HEATR5A: variants seen among roughly 807,000 people sequenced by gnomAD.
The protein encoded by HEATR5A is HEAT repeat-containing protein 5A.
In HEATR5A, 178 loss-of-function variants were observed where a neutral mutation model predicts 218.8. The observed-to-expected ratio is 0.81, with a 90% CI of 0.72 to 0.92. HEATR5A has a LOEUF of 0.92. Among genes scored for constraint, HEATR5A ranks in the 40% least tolerant of loss-of-function variants. The probability of loss-of-function intolerance (pLI) is 0.00; values close to 1 mark genes in which losing one functional copy is unlikely to be tolerated. For synonymous variants in HEATR5A, 864 were observed against 871.6 expected, an observed-to-expected ratio of 0.99 and a Z score of 0.15; for missense variants, 2,420 against 2,418.9, an observed-to-expected ratio of 1.00 and a Z score of -0.01.
rs1414346331 is a variant in HEATR5A at position 31,315,862 on chromosome 14, T to C, written c.4126A>G (p.Lys1376Glu). Residue 1376 changes from lysine (K) to glutamate (E), a missense_variant, in exon 27 of 36, where the codon AAA becomes GAA. Transcript: ENST00000543095. ...AGAGCTTCTTTTCCAGCCTGTATTT[T>C]AGTTAACGATGAAACAAGCAACTGA... ...VHQLLVSSLT[K>E]IQAGKEALSH... 1 of 1,608,824 alleles carries C rather than the reference T, an allele frequency of 6.2e-7. No homozygotes were observed. The highest frequency in any genetic ancestry group is 1.7e-5 in the Admixed American group (1 of 59,214).
Position 31,313,033 on chromosome 14 carries a change from G to A in HEATR5A, c.4376C>T (p.Ala1459Val). ...TAAAAGAGCAAAATCCTGAAGTGCA[G>A]CAAGCCAGAGTCTGCTTAGTGTGCC... is the stretch of plus-strand genomic sequence containing the variant. ...DLGTLSRLWL[A>V]ALQDFALLTL... Residue 1459 changes from alanine (A) to valine (V), a missense_variant, in exon 28 of 36, where the codon GCT becomes GTT. Coordinates refer to ENST00000543095, the MANE Select transcript of HEATR5A (RefSeq NM_015473.4). 6.2e-7 allele frequency: 1 copy of A among 1,614,010 alleles called. No individual in the cohort carries two copies. Among genetic ancestry groups the A allele is most frequent in the Non-Finnish European group, 8.5e-7 (1 of 1,179,876 alleles).
At chr14:31,310,823 T>A (rs1237861122) in intron 28 of HEATR5A, among the ~76,000 whole-genome samples, 2 of 152,124 alleles carry the variant, frequency 1.3e-5, no homozygotes, top group African/African-American at 4.8e-5. Context: ...AAACACTCCA[T>A]ATATCTTTTT....
At chr14:31,323,840 A>C in intron 23 of HEATR5A, 36 bp from the exon 24 acceptor site, 2 of 1,307,864 alleles carry the variant, frequency 1.5e-6, no homozygotes, top group Non-Finnish European at 2.1e-6. Context: ...ATTATAATCA[A>C]CTGAAAGATA....
chr14:31,325,034 C>T (rs909762716), intron 23 of HEATR5A, among the ~76,000 whole-genome samples: 4 of 152,148 alleles, frequency 2.6e-5, no homozygotes, highest in African/African-American at 9.7e-5. Context: ...CACTGAAGTA[C>T]AGTGGAAGGC....
At chr14:31,296,163 C>T in intron 33 of HEATR5A, 100 bp from the exon 34 acceptor site, 2 of 833,742 alleles carry the variant, frequency 2.4e-6, no homozygotes, top group Non-Finnish European at 1.9e-6. Flanking sequence ...GTGTACACAA[C>T]AGATACACAC....
intron 16 of HEATR5A, among the ~76,000 whole-genome samples, 178 bp downstream of exon 16, chr14:31,358,459 T>G (rs1901502451): frequency 1.3e-5 from 2 of 152,166 alleles, no homozygotes; most frequent in African/African-American, 2.4e-5. Flanking sequence ...TCTAGTGGTT[T>G]TAGGCATTTA....
chr14:31,392,338 A>G (rs759194958), intron 6 of HEATR5A, among the ~76,000 whole-genome samples: 3 of 152,086 alleles, frequency 2.0e-5, no homozygotes, highest in Non-Finnish European at 4.4e-5. Context: ...GAGATTGGAT[A>G]AGACCACAAG....
intron 21 of HEATR5A, chr14:31,340,468 CA>C (rs1900804592): frequency 7.8e-7 from 1 of 1,288,772 alleles, no homozygotes; most frequent in Non-Finnish European, 1.0e-6. Context: ...AATTATCCAA[CA>C]AGATCTCCTG....
intron 22 of HEATR5A, chr14:31,334,492 G>A (rs913904726): frequency 1.1e-5 from 5 of 453,740 alleles, no homozygotes; most frequent in East Asian, 6.9e-5. Context: ...AGAATATTAC[G>A]TGAATTTAGT....
intron 11 of HEATR5A, among the ~76,000 whole-genome samples, chr14:31,378,508 C>T (rs987029265): frequency 6.6e-6 from 1 of 152,106 alleles, no homozygotes. Context: ...CACTACTTGG[C>T]CAGGTGCGGT....
Position 31,394,223 on chromosome 14 carries a change from G to C in HEATR5A, c.601C>G (p.Leu201Val). The change falls in exon 6 of 36, where the codon CTC (leucine) becomes GTC (valine). Residue 201 changes from leucine to valine, a missense_variant. Transcript: ENST00000543095. ...ATGGCTTCATTCTGAAGTTCAAGGA[G>C]ACACTATTCAATTGGACAAAGAGAA... ...MAVRCAAAKC[L>V]LELQNEAIFM... 6.8e-7 allele frequency: 1 copy of C among 1,472,426 alleles called. No homozygotes were observed. Among genetic ancestry groups the C allele is most frequent in the Non-Finnish European group, 9.0e-7 (1 of 1,116,466 alleles). The allele number at this position is 1,472,426 out of a possible 1,614,324, so 91.2% of individuals were successfully genotyped here.
intron 16 of HEATR5A, among the ~76,000 whole-genome samples, chr14:31,358,433 T>C (rs750126592): frequency 1.3e-5 from 2 of 152,238 alleles, no homozygotes; most frequent in Admixed American, 6.5e-5. Context: ...GAGCAAAGTA[T>C]TGTATCCACA....
chr14:31,347,776 G>A lies in HEATR5A; in HGVS notation c.2840C>T (p.Ala947Val), dbSNP rs375913004. 9.9e-6 allele frequency: 16 copies of A among 1,608,152 alleles called. No homozygotes were observed. The East Asian group carries it at 1.1e-4, about 11-fold the overall frequency. The change falls in exon 19 of 36, where the codon GCG becomes GTG. Residue 947 changes from alanine (A) to valine (V), a missense_variant. Transcript: ENST00000543095. Reference protein sequence around the residue: ...NSCIGILYTLAQDSTSPDVQT... With the variant: ...NSCIGILYTLVQDSTSPDVQT... ...CACATCAGGAGAAGTGCTGTCCTGC[G>A]CCAAAGTATAAAGGATTCCAATACA...
At chr14:31,296,377 A>C in intron 33 of HEATR5A, 1 of 246,426 alleles carries the variant, frequency 4.1e-6, no homozygotes, top group Non-Finnish European at 7.9e-6. Context: ...CTCATCTGTA[A>C]AATGGGAATA....
chr14:31,402,803 A>C (rs2030928090), intron 2 of HEATR5A, 47 bp downstream of exon 2: 4 of 1,523,676 alleles, frequency 2.6e-6, no homozygotes, highest in Non-Finnish European at 3.5e-6. Flanking sequence ...CAAAGGAAGT[A>C]AACATGGGCA....
chr14:31,334,096 T>C (rs1025409422), intron 22 of HEATR5A, among the ~76,000 whole-genome samples: 2 of 151,116 alleles, frequency 1.3e-5, no homozygotes, highest in Non-Finnish European at 2.9e-5. Context: ...AGCATATCTG[T>C]TTACAACTGG....
intron 5 of HEATR5A, among the ~76,000 whole-genome samples, chr14:31,394,559 T>G (rs2030576564): frequency 6.6e-6 from 1 of 152,044 alleles, no homozygotes; most frequent in African/African-American, 2.4e-5. Context: ...CTCACACCTG[T>G]AATCCCAGCA....
chr14:31,386,326 A>C (rs1443786105), intron 9 of HEATR5A, 94 bp downstream of exon 9: 1 of 855,506 alleles, frequency 1.2e-6, no homozygotes, highest in Non-Finnish European at 1.8e-6. Context: ...TAAATCTATA[A>C]TGGAATCTAT....
chr14:31,379,103 G>A (rs1185382267), intron 11 of HEATR5A, among the ~76,000 whole-genome samples: 1 of 150,802 alleles, frequency 6.6e-6, no homozygotes, highest in African/African-American at 2.4e-5. Context: ...CACCATGTCT[G>A]GCTAATTTTT....
Sources: allele counts gnomAD v4.1 joint callset (sites outside exome capture counted in the v4.1 genomes callset), GRCh38; gene constraint gnomAD v4.1.1; transcripts MANE v1.5; gene names NCBI Gene and HGNC (gene_info 2026-07-23, HGNC 2026-07-21).